The following NTN1 variants were observed in gnomAD, a reference collection of about 807,000 sequenced individuals.
NTN1 encodes the protein netrin-1.
Under a neutral mutation model 54.2 loss-of-function variants are expected in NTN1, and 11 were observed. The ratio of observed to expected loss-of-function variants is 0.20; its 90% CI spans 0.13 to 0.34. The LOEUF is 0.34. Ranked by LOEUF, NTN1 falls within the 10% of genes least tolerant of loss-of-function variation. The pLI is 1.00. For missense variants in NTN1, 740 were observed against 893.1 expected (o/e 0.83, Z 2.18); for synonymous variants, 371 against 382.0 (o/e 0.97, Z 0.33).
intron 5 of NTN1, among the ~76,000 whole-genome samples, chr17:9,201,099 A>G (rs1904771920): frequency 1.3e-5 from 2 of 151,884 alleles, no homozygotes; most frequent in Admixed American, 6.6e-5. Flanking sequence ...TCTAGCAAAA[A>G]CTCTAGAAAG....
the NTN1 span, among the ~76,000 whole-genome samples, chr17:9,012,536 CAAAA>C: frequency 3.0e-5 from 4 of 132,814 alleles, no homozygotes; most frequent in Admixed American, 3.1e-4. Context: ...AAAAACAAAA[CAAAA>C]AAAAAAAAAC....
At chr17:9,118,394 T>C (rs1485297519) in intron 2 of NTN1, among the ~76,000 whole-genome samples, 1 of 152,196 alleles carries the variant, frequency 6.6e-6, no homozygotes, top group African/African-American at 2.4e-5. Flanking sequence ...GGTGCGCACC[T>C]GTAGTCCCAG....
intron 2 of NTN1, among the ~76,000 whole-genome samples, chr17:9,029,367 G>A (rs2151509034): frequency 6.6e-6 from 1 of 152,348 alleles, no homozygotes; most frequent in South Asian, 2.1e-4. Context: ...GTGTGGATAA[G>A]TCTGCAGGGC....
intron 2 of NTN1, among the ~76,000 whole-genome samples, chr17:9,125,736 G>A (rs770844081): frequency 1.3e-5 from 2 of 152,138 alleles, no homozygotes; most frequent in African/African-American, 2.4e-5. Flanking sequence ...CTCCCAAAGT[G>A]CTGAGATTAC....
chr17:9,202,214 C>T (rs1194187580), intron 5 of NTN1, among the ~76,000 whole-genome samples: 3 of 151,900 alleles, frequency 2.0e-5, no homozygotes, highest in Non-Finnish European at 4.4e-5. Flanking sequence ...GAACTCCAGC[C>T]TGGATGACAG....
chr17:9,200,382 G>A (rs900738831), intron 5 of NTN1, among the ~76,000 whole-genome samples: 2 of 152,218 alleles, frequency 1.3e-5, no homozygotes, highest in African/African-American at 2.4e-5. Flanking sequence ...TATTAAAGGC[G>A]AATACACAGG....
chr17:9,061,080 C>T (rs763238916), intron 2 of NTN1, among the ~76,000 whole-genome samples: 10 of 151,866 alleles, frequency 6.6e-5, no homozygotes, highest in Non-Finnish European at 1.5e-4. Flanking sequence ...GGTTGAATCA[C>T]CTTAGGTTGT....
At chr17:9,144,102 G>A (rs537204111) in intron 2 of NTN1, among the ~76,000 whole-genome samples, 1 of 151,982 alleles carries the variant, frequency 6.6e-6, no homozygotes, top group Non-Finnish European at 1.5e-5. Flanking sequence ...CACCATGTTG[G>A]CCAGGCTGAT....
At chr17:9,112,897 A>G (rs2092197293) in intron 2 of NTN1, among the ~76,000 whole-genome samples, 1 of 152,058 alleles carries the variant, frequency 6.6e-6, no homozygotes. Flanking sequence ...CCCAAGCTCA[A>G]GAAGACTGTG....
At position 9,145,873 on chromosome 17, in the gene NTN1, G is replaced by T. The variant is rs150503120; in HGVS notation, c.1019-16940G>T. ...GCAGGGGTTGCAGTGAGCTGAGATCGGCCACTGCACTCCAGCCTGGGCGAC... is the reference window on the plus strand; with the variant it reads ...GCAGGGGTTGCAGTGAGCTGAGATCTGCCACTGCACTCCAGCCTGGGCGAC... On this transcript the variant is annotated intron_variant, in intron 2 of 6. Coordinates refer to ENST00000173229, the MANE Select transcript of NTN1 (RefSeq NM_004822.3). Among the ~76,000 whole-genome samples the T allele has an allele frequency of 5.4e-3, 796 of 146,710 alleles. 4 individuals are homozygous for T. The highest frequency in any genetic ancestry group is 7.8e-3 in the Non-Finnish European group (528 of 67,454).
intron 6 of NTN1, among the ~76,000 whole-genome samples, chr17:9,226,882 T>C (rs1328792049): frequency 6.6e-6 from 1 of 151,836 alleles, no homozygotes; most frequent in Non-Finnish European, 1.5e-5. Flanking sequence ...TGCCCTGCGG[T>C]CACACAGCAC....
intron 2 of NTN1, among the ~76,000 whole-genome samples, chr17:9,091,463 T>TG: frequency 6.6e-6 from 1 of 151,486 alleles, no homozygotes; most frequent in Non-Finnish European, 1.5e-5. Context: ...CCTTTTTTTT[T>TG]TTTTTTTGAG....
chr17:9,149,163 G>A (rs531887104), intron 2 of NTN1, among the ~76,000 whole-genome samples: 27 of 152,172 alleles, frequency 1.8e-4, no homozygotes, highest in African/African-American at 5.8e-4. Context: ...AGGCTTGGCC[G>A]GCTTGGCTGG....
chr17:9,083,153 C>T lies in NTN1; in HGVS notation c.1018+59762C>T, dbSNP rs550475487. On this transcript the variant is annotated intron_variant, in intron 2 of 6. Transcript: ENST00000173229. The stretch of plus-strand genomic sequence containing the variant: ...TTGCTCTGTTGCCCAGGCTAGAGTG[C>T]AGTGGCTTGAGCTCAGCTCACTGCA... Among the ~76,000 whole-genome samples the T allele has an allele frequency of 7.9e-5, 12 of 152,218 alleles. No homozygotes were observed. The South Asian group carries it at 2.3e-3, about 29-fold the overall frequency.
At chr17:9,098,749 T>C (rs1465585901) in intron 2 of NTN1, among the ~76,000 whole-genome samples, 1 of 152,112 alleles carries the variant, frequency 6.6e-6, no homozygotes, top group Non-Finnish European at 1.5e-5. Context: ...TAGGGGAGAT[T>C]ATGGTTTTTA....
At chr17:9,056,031 G>A (rs2091978294) in intron 2 of NTN1, among the ~76,000 whole-genome samples, 1 of 151,964 alleles carries the variant, frequency 6.6e-6, no homozygotes, top group Non-Finnish European at 1.5e-5. Flanking sequence ...TAGAGAAGCT[G>A]GGACTACAGG....
intron 2 of NTN1, among the ~76,000 whole-genome samples, chr17:9,079,404 T>TG (rs1212546862): frequency 1.3e-5 from 2 of 152,242 alleles, no homozygotes; most frequent in African/African-American, 4.8e-5. Context: ...TGGGATAGGC[T>TG]GGGGAGCTTA....
At chr17:9,096,713 T>C (rs984395303) in intron 2 of NTN1, among the ~76,000 whole-genome samples, 25 of 152,164 alleles carry the variant, frequency 1.6e-4, no homozygotes, top group African/African-American at 5.8e-4. Flanking sequence ...CTTTTTCTTT[T>C]CTGCCATTCA....
chr17:9,156,081 C>T (rs560058044), intron 2 of NTN1, among the ~76,000 whole-genome samples: 12 of 152,266 alleles, frequency 7.9e-5, no homozygotes, highest in South Asian at 2.1e-4. Context: ...CGCCCCCCAC[C>T]GACCTGCAAA....
Sources: allele counts gnomAD v4.1 joint callset (sites outside exome capture counted in the v4.1 genomes callset), GRCh38; gene constraint gnomAD v4.1.1; transcripts MANE v1.5; gene names NCBI Gene and HGNC (gene_info 2026-07-23, HGNC 2026-07-21).